The following MYH16 variants were observed in gnomAD, a reference collection of about 807,000 sequenced individuals.
MYH16 encodes putative uncharacterized protein MYH16.
chr7:99,284,547 C>T (rs1465564788), intron 25 of MYH16, among the ~76,000 whole-genome samples: 2 of 152,172 alleles, frequency 1.3e-5, no homozygotes, highest in Non-Finnish European at 2.9e-5. Context: ...CATGATCATG[C>T]CACTGCACTG....
chr7:99,293,968 C>G, intron 32 of MYH16, 50 bp from the exon 14 acceptor site: 1 of 410,296 alleles, frequency 2.4e-6, no homozygotes, highest in South Asian at 1.8e-5. Flanking sequence ...GGAGATGGTG[C>G]CTGTAAGTGC....
chr7:99,301,011 C>A (rs1014114307), intron 37 of MYH16, among the ~76,000 whole-genome samples: 1 of 151,658 alleles, frequency 6.6e-6, no homozygotes, highest in African/African-American at 2.4e-5. Flanking sequence ...CCTGAGCAAC[C>A]TGGCAAAACC....
At chr7:99,304,611 G>A (rs760362360) in exon 40 of MYH16, 4 of 152,998 alleles carry the variant, frequency 2.6e-5, no homozygotes, top group South Asian at 2.1e-4. Context: ...GAAGAACTCC[G>A]GCAAGAGCAG....
At chr7:99,267,276 T>G (rs1322115695) in intron 18 of MYH16, among the ~76,000 whole-genome samples, 1 of 152,230 alleles carries the variant, frequency 6.6e-6, no homozygotes, top group Non-Finnish European at 1.5e-5. Context: ...AGGGTCTTCC[T>G]GGAGTGCAGT....
intron 11 of MYH16, among the ~76,000 whole-genome samples, chr7:99,259,732 A>G (rs897954255): frequency 2.6e-4 from 38 of 147,760 alleles, no homozygotes; most frequent in East Asian, 1.7e-3. Flanking sequence ...GTGTGTGTGT[A>G]TATATATATT....
intron 7 of MYH16, chr7:99,253,082 A>G (rs889204810): frequency 2.0e-5 from 3 of 152,250 alleles, no homozygotes; most frequent in South Asian, 2.1e-4. Flanking sequence ...CCTGGGCAAC[A>G]TAATAAGATC....
At chr7:99,301,652 A>T (rs1001791901) in exon 38 of MYH16, 5 of 153,328 alleles carry the variant, frequency 3.3e-5, no homozygotes, top group African/African-American at 1.2e-4. Flanking sequence ...GGAGCTGCGG[A>T]AGCAGTACAA....
chr7:99,261,274 G>C (rs572370083), intron 12 of MYH16: 2 of 152,438 alleles, frequency 1.3e-5, no homozygotes, highest in African/African-American at 4.8e-5. Flanking sequence ...CATGGTGTTT[G>C]ATGACAAGGT....
Position 99,277,716 on chromosome 7 carries a change from C to A in MYH16, n.2659+4C>A. 1 of 454,608 alleles carries A rather than the reference C, an allele frequency of 2.2e-6. No individual in the cohort carries two copies. The highest frequency in any genetic ancestry group is 4.4e-6 in the Non-Finnish European group (1 of 225,734). The allele number at this position is 454,608 out of a possible 1,614,324, so 28.2% of individuals were successfully genotyped here. ...CCTCACCATCCAGCTGCAGGCTGTA[C>A]GTGGGGTCCCCAGGGAGAAGGGTGG... On this transcript the variant is annotated splice_donor_region_variant and intron_variant and non_coding_transcript_variant, in intron 21 of 41. Coordinates refer to ENST00000439784, the Ensembl canonical transcript of MYH16.
At chr7:99,279,861 GTT>G (rs948933682) in intron 22 of MYH16, 124 bp downstream of exon 4, 2 of 347,560 alleles carry the variant, frequency 5.8e-6, no homozygotes, top group African/African-American at 2.2e-5. Flanking sequence ...TTTTTTGGGG[GTT>G]TTTTTTTGTT....
At chr7:99,256,905 C>T (rs1420769120) in intron 9 of MYH16, among the ~76,000 whole-genome samples, 3 of 152,070 alleles carry the variant, frequency 2.0e-5, no homozygotes, top group African/African-American at 4.8e-5. Context: ...GAGCCATGAT[C>T]GTGCCACTGC....
At chr7:99,302,229 G>A (rs985180468) in intron 38 of MYH16, among the ~76,000 whole-genome samples, 6 of 151,050 alleles carry the variant, frequency 4.0e-5, no homozygotes, top group South Asian at 2.1e-4. Flanking sequence ...GCTTGAACCC[G>A]GGAGGCGGAA....
chr7:99,301,583 G>C lies in MYH16; in HGVS notation n.4934-18G>C, dbSNP rs1036734590. ...CGGCCCAGTGTATGGGCTGAGGCTGGGTCCCTGTGCCCCCCAGGACCTGCA... is the reference window on the plus strand; with the variant it reads ...CGGCCCAGTGTATGGGCTGAGGCTGCGTCCCTGTGCCCCCCAGGACCTGCA... On this transcript the variant is annotated intron_variant and non_coding_transcript_variant, in intron 37 of 41. Transcript: ENST00000439784. 6.5e-6 allele frequency: 1 copy of C among 152,950 alleles called. No individual in the cohort carries two copies. The highest frequency in any genetic ancestry group is 6.5e-5 in the Admixed American group (1 of 15,276). The allele number at this position is 152,950 out of a possible 1,614,324, so 9.5% of individuals were successfully genotyped here. A position where few individuals can be genotyped will look rare whatever the true frequency, so the allele number is the denominator to read the frequency against.
At chr7:99,284,311 T>G (rs893732871) in intron 25 of MYH16, among the ~76,000 whole-genome samples, 6 of 152,126 alleles carry the variant, frequency 3.9e-5, no homozygotes, top group African/African-American at 1.4e-4. Flanking sequence ...TATGACCATG[T>G]TGGGTACAGT....
chr7:99,265,390 C>T (rs1403376201), intron 16 of MYH16, among the ~76,000 whole-genome samples: 1 of 152,160 alleles, frequency 6.6e-6, no homozygotes, highest in Non-Finnish European at 1.5e-5. Context: ...AGGCAGAAAT[C>T]AAACTTGGGA....
intron 2 of MYH16, among the ~76,000 whole-genome samples, chr7:99,247,195 C>T (rs1042396752): frequency 4.6e-5 from 7 of 152,156 alleles, no homozygotes; most frequent in African/African-American, 7.2e-5. Flanking sequence ...GTTTTTGAGA[C>T]GGAGTCTCAC....
intron 26 of MYH16, 74 bp downstream of exon 8, chr7:99,285,009 A>G (rs771657780): frequency 1.4e-4 from 61 of 450,798 alleles, no homozygotes; most frequent in Admixed American, 2.4e-4. Flanking sequence ...CATGTCAGCT[A>G]CTTGGTGGCT....
chr7:99,253,851 T>C (rs7806818), intron 8 of MYH16: 6,688 of 170,902 alleles, frequency 0.039, 359 homozygotes, highest in South Asian at 0.17. Context: ...TCTATCCACC[T>C]GCCCCTGACC....
chr7:99,307,861 G>A (rs961020500), downstream of MYH16, among the ~76,000 whole-genome samples: 2 of 152,034 alleles, frequency 1.3e-5, no homozygotes, highest in African/African-American at 4.8e-5. Context: ...GACTACAGGT[G>A]CACACCACCA....
Sources: gnomAD v4.1 joint callset for allele counts (sites outside exome capture counted in the v4.1 genomes callset) on GRCh38, gnomAD v4.1.1 for gene constraint, MANE v1.5 for transcripts, NCBI Gene and HGNC (gene_info 2026-07-23, HGNC 2026-07-21) for gene names.